The following NUSAP1 variants were observed in gnomAD, a reference collection of about 807,000 sequenced individuals.
The protein encoded by NUSAP1 is nucleolar and spindle associated protein 1.
Under a neutral mutation model 52.8 loss-of-function variants are expected in NUSAP1, and 32 were observed. The ratio of observed to expected loss-of-function variants is 0.61; its 90% CI spans 0.46 to 0.81. The LOEUF (loss-of-function observed/expected upper bound fraction) is 0.81, where lower values mean the gene tolerates loss of function less well. Among genes scored for constraint, NUSAP1 ranks in the 40% least tolerant of loss-of-function variants. NUSAP1 has a pLI of 0.00. For missense variants in NUSAP1, 499 were observed against 522.3 expected (o/e 0.96, Z 0.43); for synonymous variants, 195 against 183.1 (o/e 1.06, Z -0.52).
chr15:41,337,931 CTTTTTTTTT>C (rs757341496), intron 1 of NUSAP1, among the ~76,000 whole-genome samples: 15 of 110,938 alleles, frequency 1.4e-4, no homozygotes, highest in African/African-American at 4.7e-4. Flanking sequence ...TTTCTTTTTT[CTTTTTTTTT>C]TTTTTTTTTT....
intron 3 of NUSAP1, 46 bp from the exon 4 acceptor site, chr15:41,350,942 T>C (rs755901337): frequency 2.6e-6 from 4 of 1,526,036 alleles, no homozygotes; most frequent in Non-Finnish European, 3.6e-6. Flanking sequence ...AAGGCAGCAA[T>C]TCTTATTTAT....
intron 1 of NUSAP1, among the ~76,000 whole-genome samples, chr15:41,342,091 A>G (rs1189490394): frequency 6.6e-6 from 1 of 152,198 alleles, no homozygotes; most frequent in Admixed American, 6.5e-5. Context: ...TACTTGCTGA[A>G]GTCTAACCTA....
chr15:41,378,095 C>T (rs1400475588), intron 10 of NUSAP1, among the ~76,000 whole-genome samples: 1 of 152,164 alleles, frequency 6.6e-6, no homozygotes, highest in African/African-American at 2.4e-5. Flanking sequence ...GGCCCAAGCA[C>T]CTGCATTGTT....
rs1380077139 is a variant in NUSAP1, at chr15:41,336,286, T to C, written c.93+3236T>C. On this transcript the variant is annotated intron_variant, in intron 1 of 10. Transcript: ENST00000559596. ...CGTCTAAAAATAATAATAATAATAA[T>C]AATAATAATAAATATATAGGAGATA... Among the ~76,000 whole-genome samples the C allele has an allele frequency of 3.3e-5, 5 of 150,302 alleles. No individual in the cohort carries two copies. The East Asian group carries it at 7.8e-4, about 23-fold the overall frequency.
At chr15:41,378,770 CA>C (rs1182713366) in intron 10 of NUSAP1, among the ~76,000 whole-genome samples, 1 of 149,410 alleles carries the variant, frequency 6.7e-6, no homozygotes, top group Admixed American at 6.7e-5. Context: ...AACTCCGTCT[CA>C]AAAAAGAAAA....
At chr15:41,373,263 A>G (rs1052130975) in intron 8 of NUSAP1, among the ~76,000 whole-genome samples, 3 of 150,360 alleles carry the variant, frequency 2.0e-5, no homozygotes, top group Non-Finnish European at 3.0e-5. Flanking sequence ...GCGTGGTGGC[A>G]CGCGCCTGTA....
At chr15:41,364,334 T>C (rs1293194329) in intron 6 of NUSAP1, among the ~76,000 whole-genome samples, 1 of 151,396 alleles carries the variant, frequency 6.6e-6, no homozygotes, top group African/African-American at 2.4e-5. Context: ...GATCACAAGG[T>C]CAGCAGTTCA....
Position 41,342,369 on chromosome 15 carries a change from T to G in NUSAP1, c.94-17T>G, listed in dbSNP as rs372940737. 1 of 1,542,750 alleles carries G rather than the reference T, an allele frequency of 6.5e-7. No individual in the cohort carries two copies. The highest frequency in any genetic ancestry group is 8.8e-7 in the Non-Finnish European group (1 of 1,130,890). On this transcript the variant is annotated splice_polypyrimidine_tract_variant and intron_variant, in intron 1 of 10. Coordinates refer to ENST00000559596, the MANE Select transcript of NUSAP1 (RefSeq NM_016359.5). ...TTTATTTGACTTTTGGCTCTAATAA[T>G]AAGGTCTCTCTTGCAGGCAACCAAG...
At chr15:41,359,857 T>A (rs1016622424) in intron 6 of NUSAP1, among the ~76,000 whole-genome samples, 4 of 151,514 alleles carry the variant, frequency 2.6e-5, no homozygotes, top group Middle Eastern at 3.4e-3. Flanking sequence ...GGTCTTGAAC[T>A]CCTGACCTCA....
intron 1 of NUSAP1, among the ~76,000 whole-genome samples, chr15:41,334,014 C>G (rs1423610973): frequency 1.3e-5 from 2 of 152,198 alleles, no homozygotes; most frequent in Admixed American, 6.5e-5. Flanking sequence ...TTGAGACTTC[C>G]CACATAATAC....
Position 41,349,246 on chromosome 15 carries a change from ATGGAAAT to A in NUSAP1, c.306+6_306+12del. ...CGTGTGGACCCTGACTCACAGGTGA[ATGGAAAT>A]ATACAAACTGAAAATAAACCACCTA... On this transcript the variant is annotated splice_donor_region_variant and intron_variant, in intron 3 of 10. Transcript: ENST00000559596. The A allele has an allele frequency of 6.2e-7, 1 of 1,611,400 alleles. No homozygotes were observed. Among genetic ancestry groups the A allele is most frequent in the Non-Finnish European group, 8.5e-7 (1 of 1,178,838 alleles).
chr15:41,341,145 A>G (rs1245478855), intron 1 of NUSAP1, among the ~76,000 whole-genome samples: 1 of 152,152 alleles, frequency 6.6e-6, no homozygotes, highest in Non-Finnish European at 1.5e-5. Context: ...GGCTCACTGC[A>G]ACCTTCGCCT....
At chr15:41,333,116 G>A in intron 1 of NUSAP1, 66 bp downstream of exon 1, 1 of 1,257,208 alleles carries the variant, frequency 8.0e-7, no homozygotes. Flanking sequence ...GGGAGATGCG[G>A]TGCGAAGGGA....
At chr15:41,377,643 G>A (rs1473808075) in intron 10 of NUSAP1, among the ~76,000 whole-genome samples, 5 of 148,092 alleles carry the variant, frequency 3.4e-5, no homozygotes, top group African/African-American at 1.3e-4. Context: ...AGCTTGCAGT[G>A]AGCCGAGATC....
intron 2 of NUSAP1, among the ~76,000 whole-genome samples, chr15:41,347,140 C>T (rs2048606617): frequency 6.6e-6 from 1 of 152,122 alleles, no homozygotes; most frequent in Non-Finnish European, 1.5e-5. Flanking sequence ...GCACTGCACT[C>T]CAGCCTGGGC....
At chr15:41,335,959 A>G (rs900146226) in intron 1 of NUSAP1, among the ~76,000 whole-genome samples, 6 of 150,936 alleles carry the variant, frequency 4.0e-5, no homozygotes, top group African/African-American at 1.5e-4. Flanking sequence ...CTAGTATGAT[A>G]TTATTAAAAA....
At chr15:41,346,598 G>A (rs2048580761) in intron 2 of NUSAP1, among the ~76,000 whole-genome samples, 1 of 151,952 alleles carries the variant, frequency 6.6e-6, no homozygotes, top group Admixed American at 6.6e-5. Flanking sequence ...GGAGGCCGAG[G>A]TGGGTGGATC....
At chr15:41,378,972 G>A (rs200510826) in intron 10 of NUSAP1, among the ~76,000 whole-genome samples, 5 of 1,530 alleles carry the variant, frequency 3.3e-3, no homozygotes, top group African/African-American at 0.013. Flanking sequence ...TTTTTTTTTT[G>A]AGATGGAGTC....
intron 1 of NUSAP1, among the ~76,000 whole-genome samples, chr15:41,335,071 A>T (rs984662645): frequency 5.3e-5 from 8 of 151,950 alleles, no homozygotes; most frequent in African/African-American, 1.9e-4. Flanking sequence ...GTTTTAAATT[A>T]TTAACTTGGT....
Sources: gnomAD v4.1 joint callset for allele counts (sites outside exome capture counted in the v4.1 genomes callset) on GRCh38, gnomAD v4.1.1 for gene constraint, MANE v1.5 for transcripts, NCBI Gene and HGNC (gene_info 2026-07-23, HGNC 2026-07-21) for gene names.